AHCY: variants seen among roughly 807,000 people sequenced by gnomAD.
AHCY encodes S-adenosyl-L-homocysteine hydrolase.
AHCY carries 24 observed loss-of-function variants against 45.4 expected under a neutral mutation model. The ratio of observed to expected loss-of-function variants is 0.53; its 90% CI spans 0.38 to 0.74. AHCY has a LOEUF of 0.74. Among genes scored for constraint, AHCY ranks in the 30% least tolerant of loss-of-function variants. The pLI, the probability that AHCY is intolerant of heterozygous loss-of-function variation, is 0.00. For missense variants in AHCY, 449 were observed against 594.1 expected, an observed-to-expected ratio of 0.76 and a Z score of 2.54; for synonymous variants, 245 against 235.1, an observed-to-expected ratio of 1.04 and a Z score of -0.39.
chr20:34,299,127 C>A (rs890144902), intron 1 of AHCY, among the ~76,000 whole-genome samples: 2 of 152,114 alleles, frequency 1.3e-5, no homozygotes, highest in African/African-American at 4.8e-5. Context: ...TGTCTTGTAT[C>A]TTTATTTCTA....
At position 34,292,370 on chromosome 20, in the gene AHCY, G is replaced by C; in HGVS notation, c.433C>G (p.Gln145Glu). The change falls in exon 4 of 10, where the codon CAG (glutamine) becomes GAG (glutamate). Residue 145 changes from glutamine to glutamate, a missense_variant. Coordinates refer to ENST00000217426, the MANE Select transcript of AHCY (RefSeq NM_000687.4). Reference sequence around the variant, plus strand: ...CCGCCCTGCTCACCTGGCAGAAGCTGCGGGTACTTGGTGTGGATGAGGTTG... The same window carrying C: ...CCGCCCTGCTCACCTGGCAGAAGCTCCGGGTACTTGGTGTGGATGAGGTTG... Reference protein sequence around the residue: ...LTNLIHTKYPQLLPGIRGISE... With the variant: ...LTNLIHTKYPELLPGIRGISE... The C allele has an allele frequency of 6.2e-7, 1 of 1,613,340 alleles. No individual in the cohort carries two copies. The highest frequency in any genetic ancestry group is 8.5e-7 in the Non-Finnish European group (1 of 1,179,992).
chr20:34,300,625 T>C (rs73263373), intron 1 of AHCY, among the ~76,000 whole-genome samples: 64 of 152,310 alleles, frequency 4.2e-4, no homozygotes, highest in African/African-American at 1.5e-3. Context: ...GAACCTAGTA[T>C]ATCCCTGCTA....
chr20:34,256,066 C>T, the AHCY span, among the ~76,000 whole-genome samples: 4 of 152,380 alleles, frequency 2.6e-5, no homozygotes, highest in Admixed American at 2.6e-4. Flanking sequence ...CACCTGGCTC[C>T]GCCTTCTAGA....
At chr20:34,311,204 C>G (rs1273632559) in intron 1 of AHCY, among the ~76,000 whole-genome samples, 2 of 152,184 alleles carry the variant, frequency 1.3e-5, no homozygotes, top group Non-Finnish European at 2.9e-5. Flanking sequence ...AACGGTGCGC[C>G]TAGTATGCGA....
chr20:34,250,042 G>A, the AHCY span: 1 of 152,264 alleles, frequency 6.6e-6, no homozygotes. Context: ...TCCATGCTGG[G>A]GTCCAGCTGA....
chr20:34,269,377 G>A, the AHCY span: 1 of 616,040 alleles, frequency 1.6e-6, no homozygotes, highest in East Asian at 3.4e-5. Context: ...TAAAGGTCCC[G>A]AAAGTTCTCG....
the AHCY span, among the ~76,000 whole-genome samples, chr20:34,235,827 A>AGG: frequency 3.0e-5 from 2 of 66,690 alleles, no homozygotes; most frequent in African/African-American, 3.2e-4. Flanking sequence ...GAAAGAAAGA[A>AGG]AGAAAGAAAG....
chr20:34,298,516 G>T (rs992878335), intron 1 of AHCY, among the ~76,000 whole-genome samples: 1 of 150,558 alleles, frequency 6.6e-6, no homozygotes, highest in Admixed American at 6.8e-5. Flanking sequence ...CTGGGAAGAC[G>T]CCCGTTACCA....
At chr20:34,243,792 C>T in the AHCY span, among the ~76,000 whole-genome samples, 2 of 150,706 alleles carry the variant, frequency 1.3e-5, no homozygotes, top group Non-Finnish European at 2.9e-5. Flanking sequence ...TCGCCGGGCG[C>T]GGTGGCTCAC....
At chr20:34,251,086 T>G in the AHCY span, among the ~76,000 whole-genome samples, 3 of 152,178 alleles carry the variant, frequency 2.0e-5, no homozygotes, top group East Asian at 5.8e-4. Flanking sequence ...CCCTCATTGC[T>G]GTTACTACTC....
the AHCY span, among the ~76,000 whole-genome samples, chr20:34,267,568 G>A: frequency 6.8e-6 from 1 of 147,854 alleles, no homozygotes; most frequent in African/African-American, 2.5e-5. Context: ...TTTTGCTCTT[G>A]TTGCCCAGGC....
rs1319886727 is a variant in AHCY, at chr20:34,281,129, G to T, written c.1204C>A (p.Leu402Met). 7 of 1,613,754 alleles carry T rather than the reference G, an allele frequency of 4.3e-6. No individual in the cohort carries two copies. Among genetic ancestry groups the T allele is most frequent in the Non-Finnish European group, 5.9e-6 (7 of 1,180,048 alleles). The change falls in exon 10 of 10, where the codon CTG (leucine) becomes ATG (methionine). Residue 402 changes from leucine (L) to methionine (M), a missense_variant. Physicochemically the swap from Leu to Met is conservative, Grantham distance 15. Coordinates refer to ENST00000217426, the MANE Select transcript of AHCY (RefSeq NM_000687.4). The part of the protein sequence containing the change: ...EAVAEAHLGK[L>M]NVKLTKLTEK... ...GTTAGCTTGGTCAACTTCACATTCA[G>T]CTTGCCCAGGTGGGCTTCAGCCACT...
the AHCY span, among the ~76,000 whole-genome samples, chr20:34,259,354 A>G: frequency 2.0e-5 from 3 of 151,938 alleles, no homozygotes; most frequent in Non-Finnish European, 4.4e-5. Flanking sequence ...CTTTACTAAA[A>G]ATACAAAAAT....
chr20:34,248,130 C>T, the AHCY span, among the ~76,000 whole-genome samples: 2 of 152,018 alleles, frequency 1.3e-5, no homozygotes, highest in East Asian at 1.9e-4. Context: ...CGCTTGAACC[C>T]GGGAGGTGAA....
At chr20:34,254,915 G>A in the AHCY span, among the ~76,000 whole-genome samples, 1 of 152,108 alleles carries the variant, frequency 6.6e-6, no homozygotes, top group African/African-American at 2.4e-5. Flanking sequence ...ACCAATCCAA[G>A]ACTCAGTCCA....
At chr20:34,286,586 A>G (rs1214341140) in intron 8 of AHCY, 1 of 152,216 alleles carries the variant, frequency 6.6e-6, no homozygotes, top group African/African-American at 2.4e-5. Context: ...TAATCCCAGC[A>G]CTTTGGGAGG....
the AHCY span, among the ~76,000 whole-genome samples, chr20:34,272,041 G>A: frequency 2.6e-3 from 199 of 75,556 alleles, no homozygotes; most frequent in African/African-American, 5.3e-3. Flanking sequence ...TATACAACGT[G>A]CCTCCAAAAA....
chr20:34,236,459 G>A, the AHCY span, among the ~76,000 whole-genome samples: 12 of 152,038 alleles, frequency 7.9e-5, no homozygotes, highest in African/African-American at 1.2e-4. Context: ...CAGAAGAATC[G>A]CTTGAATCCA....
the AHCY span, among the ~76,000 whole-genome samples, chr20:34,242,086 C>G: frequency 6.6e-6 from 1 of 152,080 alleles, no homozygotes; most frequent in Non-Finnish European, 1.5e-5. Flanking sequence ...TGAGTTCGCT[C>G]TGCTTCAGTG....
Sources: gnomAD v4.1 joint callset for allele counts (sites outside exome capture counted in the v4.1 genomes callset) on GRCh38, gnomAD v4.1.1 for gene constraint, MANE v1.5 for transcripts, NCBI Gene and HGNC (gene_info 2026-07-23, HGNC 2026-07-21) for gene names.